The following RSRC1 variants were observed in gnomAD, a reference collection of about 807,000 sequenced individuals.
RSRC1 encodes arginine and serine rich coiled-coil 1.
In RSRC1, 39 loss-of-function variants were observed where a neutral mutation model predicts 49.1. The ratio of observed to expected loss-of-function variants is 0.79; its 90% confidence interval spans 0.61 to 1.04. RSRC1 has a LOEUF of 1.04. RSRC1 is among the 50% of genes least tolerant of loss of function. The probability of loss-of-function intolerance (pLI) is 0.00; values close to 1 mark genes in which losing one functional copy is unlikely to be tolerated. For synonymous variants in RSRC1, 143 were observed against 130.8 expected (o/e 1.09, Z -0.63); for missense variants, 388 against 402.4 (o/e 0.96, Z 0.31).
At chr3:158,503,818 A>G (rs901781822) in intron 7 of RSRC1, among the ~76,000 whole-genome samples, 39 of 152,038 alleles carry the variant, frequency 2.6e-4, no homozygotes, top group African/African-American at 8.9e-4. Flanking sequence ...CGTCTCCCAG[A>G]AAAGGGCTTG....
At chr3:158,182,298 A>C (rs954330972) in intron 3 of RSRC1, among the ~76,000 whole-genome samples, 4 of 152,204 alleles carry the variant, frequency 2.6e-5, no homozygotes, top group Admixed American at 2.6e-4. Flanking sequence ...ATTACAAATC[A>C]TTTATTAAAT....
At chr3:158,387,237 C>T (rs371817627) in intron 6 of RSRC1, among the ~76,000 whole-genome samples, 1 of 152,088 alleles carries the variant, frequency 6.6e-6, no homozygotes, top group Non-Finnish European at 1.5e-5. Context: ...CATTCAGTCA[C>T]GTTTAATTAT....
intron 7 of RSRC1, among the ~76,000 whole-genome samples, chr3:158,480,570 G>T (rs1010117851): frequency 6.6e-6 from 1 of 151,830 alleles, no homozygotes; most frequent in Admixed American, 6.6e-5. Flanking sequence ...AAACATCATG[G>T]CCCGCATATC....
At chr3:158,325,903 C>G (rs1447738085) in intron 5 of RSRC1, among the ~76,000 whole-genome samples, 11 of 152,034 alleles carry the variant, frequency 7.2e-5, no homozygotes, top group Admixed American at 5.9e-4. Context: ...CTTTTATTTC[C>G]TTGAGCAGTG....
intron 4 of RSRC1, among the ~76,000 whole-genome samples, chr3:158,273,297 G>A (rs1725623126): frequency 6.6e-6 from 1 of 151,930 alleles, no homozygotes; most frequent in Admixed American, 6.6e-5. Context: ...AACATACCTG[G>A]CCCTAGTCTA....
At chr3:158,413,048 A>T (rs1185320349) in intron 6 of RSRC1, among the ~76,000 whole-genome samples, 1 of 152,192 alleles carries the variant, frequency 6.6e-6, no homozygotes, top group African/African-American at 2.4e-5. Context: ...TCCTAAGCAA[A>T]AAGAACAAAG....
chr3:158,193,366 A>AT (rs1720352922), intron 3 of RSRC1, among the ~76,000 whole-genome samples: 2 of 152,056 alleles, frequency 1.3e-5, no homozygotes, highest in African/African-American at 2.4e-5. Context: ...CCAACAGTAT[A>AT]TTTTTTTAAT....
intron 3 of RSRC1, among the ~76,000 whole-genome samples, chr3:158,142,875 G>A (rs925280650): frequency 1.1e-4 from 17 of 152,236 alleles, no homozygotes; most frequent in South Asian, 4.2e-4. Context: ...CACTTGTGTC[G>A]TAGGCTTCCC....
At chr3:158,218,393 T>A (rs960891965) in intron 4 of RSRC1, among the ~76,000 whole-genome samples, 13 of 151,630 alleles carry the variant, frequency 8.6e-5, no homozygotes, top group African/African-American at 3.1e-4. Context: ...ATTTGAGACA[T>A]ATTTATGTAT....
intron 1 of RSRC1, among the ~76,000 whole-genome samples, chr3:158,117,760 G>A (rs913412098): frequency 3.3e-5 from 5 of 152,092 alleles, no homozygotes; most frequent in African/African-American, 1.2e-4. Flanking sequence ...CAGAGTAACT[G>A]GGACTACCGG....
chr3:158,244,545 G>A (rs774261288), intron 4 of RSRC1, among the ~76,000 whole-genome samples: 1 of 152,110 alleles, frequency 6.6e-6, no homozygotes, highest in Non-Finnish European at 1.5e-5. Flanking sequence ...GAGCATTTTT[G>A]CATCAATGTT....
chr3:158,544,256 T>C lies in RSRC1; in HGVS notation c.986T>C (p.Met329Thr), dbSNP rs745490379. 13 of 1,610,310 alleles carry C rather than the reference T, an allele frequency of 8.1e-6. No individual in the cohort carries two copies. Among genetic ancestry groups the C allele is most frequent in the Non-Finnish European group, 1.1e-5 (13 of 1,177,226 alleles). ...RLIALRQERL[M>T]GSPVA is the part of the protein sequence containing the mutation. ...ATTGCTCTCCGACAAGAAAGACTAATGGGCAGTCCTGTGGCCTAAGTAATA... is the reference window on the plus strand; with the variant it reads ...ATTGCTCTCCGACAAGAAAGACTAACGGGCAGTCCTGTGGCCTAAGTAATA... Residue 329 changes from methionine to threonine, a missense_variant, in exon 10 of 10, where the codon ATG (methionine) becomes ACG (threonine). By Grantham distance (81) the Met-to-Thr change is moderately conservative. Transcript: ENST00000611884.
intron 6 of RSRC1, among the ~76,000 whole-genome samples, chr3:158,433,059 CAG>C (rs780417396): frequency 2.0e-5 from 3 of 151,678 alleles, no homozygotes; most frequent in Non-Finnish European, 4.4e-5. Flanking sequence ...TATATTAAAA[CAG>C]AGAAAAAAGA....
chr3:158,343,792 T>C (rs369650490), intron 5 of RSRC1, among the ~76,000 whole-genome samples: 4 of 152,150 alleles, frequency 2.6e-5, no homozygotes. Flanking sequence ...AAAAGAAGGC[T>C]TAGAAGAGCA....
chr3:158,203,369 TA>T (rs1250025199), intron 4 of RSRC1, 124 bp downstream of exon 4: 2 of 968,666 alleles, frequency 2.1e-6, no homozygotes, highest in Non-Finnish European at 1.5e-6. Flanking sequence ...GAAAATGGAA[TA>T]AAAAGAGAGA....
At chr3:158,444,433 G>T (rs1736567239) in intron 6 of RSRC1, among the ~76,000 whole-genome samples, 1 of 152,128 alleles carries the variant, frequency 6.6e-6, no homozygotes, top group South Asian at 2.1e-4. Context: ...AATAAATGGT[G>T]CTGGGAAAAC....
chr3:158,167,763 T>C (rs1718622067), intron 3 of RSRC1, among the ~76,000 whole-genome samples: 3 of 152,204 alleles, frequency 2.0e-5, no homozygotes, highest in African/African-American at 4.8e-5. Context: ...GTGCTAGTTA[T>C]AACTAGAAGG....
At chr3:158,148,946 G>C (rs1270717853) in intron 3 of RSRC1, among the ~76,000 whole-genome samples, 2 of 152,022 alleles carry the variant, frequency 1.3e-5, no homozygotes, top group Non-Finnish European at 2.9e-5. Context: ...GCCACGCCTG[G>C]CTAATTTTTG....
intron 4 of RSRC1, among the ~76,000 whole-genome samples, chr3:158,228,507 G>A (rs1722649348): frequency 6.6e-6 from 1 of 151,694 alleles, no homozygotes; most frequent in East Asian, 1.9e-4. Flanking sequence ...CTAATGGGGG[G>A]AAACCCTCTT....
Sources: gnomAD v4.1 joint callset for allele counts (sites outside exome capture counted in the v4.1 genomes callset) on GRCh38, gnomAD v4.1.1 for gene constraint, MANE v1.5 for transcripts, NCBI Gene and HGNC (gene_info 2026-07-23, HGNC 2026-07-21) for gene names.